CERK: variants seen among roughly 807,000 people sequenced by gnomAD.
CERK encodes ceramide kinase.
Under a neutral mutation model 63.4 loss-of-function variants are expected in CERK, and 39 were observed. The observed-to-expected ratio is 0.61, with a 90% confidence interval of 0.48 to 0.80. CERK has a LOEUF of 0.80. Ranked by LOEUF, CERK falls within the 30% of genes least tolerant of loss-of-function variation. The probability of loss-of-function intolerance (pLI) is 0.00; values close to 1 mark genes in which losing one functional copy is unlikely to be tolerated. For missense variants in CERK, 670 were observed against 714.1 expected, an observed-to-expected ratio of 0.94 and a Z score of 0.70; for synonymous variants, 302 against 280.0, an observed-to-expected ratio of 1.08 and a Z score of -0.78.
intron 1 of CERK, among the ~76,000 whole-genome samples, chr22:46,730,674 C>A (rs1015832270): frequency 6.7e-6 from 1 of 150,330 alleles, no homozygotes; most frequent in African/African-American, 2.5e-5. Context: ...TGTGCTTTTC[C>A]TACTCCTCCT....
At chr22:46,722,759 A>C (rs1181934157) in intron 1 of CERK, among the ~76,000 whole-genome samples, 1 of 152,132 alleles carries the variant, frequency 6.6e-6, no homozygotes, top group Non-Finnish European at 1.5e-5. Flanking sequence ...GGGTTTTGCC[A>C]TGTTAGCCAG....
At chr22:46,721,422 A>T (rs1285094511) in intron 1 of CERK, among the ~76,000 whole-genome samples, 2 of 150,142 alleles carry the variant, frequency 1.3e-5, no homozygotes, top group Non-Finnish European at 2.9e-5. Context: ...CCTCCCGAAC[A>T]GCTTTTTTAA....
intron 11 of CERK, among the ~76,000 whole-genome samples, chr22:46,690,917 G>A (rs2082726798): frequency 6.6e-6 from 1 of 152,134 alleles, no homozygotes; most frequent in African/African-American, 2.4e-5. Context: ...ATACCTCTTA[G>A]TTTCTGTGCT....
At chr22:46,717,800 T>A (rs2082873231) in intron 3 of CERK, among the ~76,000 whole-genome samples, 1 of 152,312 alleles carries the variant, frequency 6.6e-6, no homozygotes, top group East Asian at 1.9e-4. Flanking sequence ...GGGTCTGTGA[T>A]ATGACAAATA....
intron 6 of CERK, among the ~76,000 whole-genome samples, chr22:46,702,437 AC>A (rs1357019800): frequency 6.6e-6 from 1 of 151,948 alleles, no homozygotes; most frequent in Non-Finnish European, 1.5e-5. Context: ...GATTACAGGC[AC>A]GCGCCACCAC....
At chr22:46,727,695 G>T (rs2082925963) in intron 1 of CERK, among the ~76,000 whole-genome samples, 1 of 152,132 alleles carries the variant, frequency 6.6e-6, no homozygotes, top group Admixed American at 6.5e-5. Context: ...ACCAGCCTAA[G>T]GGTGCTGTGG....
At chr22:46,705,442 C>G (rs1332399977) in intron 6 of CERK, among the ~76,000 whole-genome samples, 1 of 152,162 alleles carries the variant, frequency 6.6e-6, no homozygotes, top group Non-Finnish European at 1.5e-5. Flanking sequence ...GAGGCCAAGG[C>G]AGGTAGATCA....
chr22:46,688,668 G>C (rs546910631), intron 12 of CERK, among the ~76,000 whole-genome samples: 1 of 152,228 alleles, frequency 6.6e-6, no homozygotes, highest in Non-Finnish European at 1.5e-5. Context: ...ACAGAGATGC[G>C]TGCATCCTCT....
intron 1 of CERK, among the ~76,000 whole-genome samples, chr22:46,730,164 TC>T (rs1164343094): frequency 2.0e-5 from 3 of 151,664 alleles, no homozygotes; most frequent in African/African-American, 7.3e-5. Flanking sequence ...ACGCCTGTAA[TC>T]CTAGCACTTT....
Position 46,691,754 on chromosome 22 carries a change from C to T in CERK, c.1150G>A (p.Val384Ile), listed in dbSNP as rs143397270. ...TTGATGGCCAGAAACTTCCCACAGA[C>T]GACTTGCCACTCCTCCACGTCCTCT... ...AAEDVEEWQV[V>I]CGKFLAINAT... Residue 384 changes from valine (V) to isoleucine (I), a missense_variant, in exon 11 of 13, where the codon GTC (valine) becomes ATC (isoleucine). Physicochemically the swap from Val to Ile is conservative, Grantham distance 29. Coordinates refer to ENST00000216264, the MANE Select transcript of CERK (RefSeq NM_022766.6). 1,467 of 1,611,820 alleles carry T rather than the reference C, an allele frequency of 9.1e-4. 1 individual carries two copies. The highest frequency in any genetic ancestry group is 1.1e-3 in the Non-Finnish European group (1,329 of 1,178,188).
At chr22:46,718,176 T>G (rs1159749513) in intron 3 of CERK, among the ~76,000 whole-genome samples, 1 of 152,144 alleles carries the variant, frequency 6.6e-6, no homozygotes, top group East Asian at 1.9e-4. Flanking sequence ...CATATACAAT[T>G]TTTAGCTACA....
At chr22:46,727,038 T>G (rs1047070481) in intron 1 of CERK, among the ~76,000 whole-genome samples, 21 of 152,268 alleles carry the variant, frequency 1.4e-4, no homozygotes, top group African/African-American at 5.1e-4. Context: ...AAACTCACCA[T>G]GCAAATCTAA....
rs2082857950 is a variant in CERK at position 46,714,564 on chromosome 22, G to A, written c.380-2271C>T. 6.6e-6 allele frequency among the ~76,000 whole-genome samples: 1 copy of A among 152,168 alleles called. No homozygotes were observed. The highest frequency in any genetic ancestry group is 1.5e-5 in the Non-Finnish European group (1 of 68,024). On this transcript the variant is annotated intron_variant, in intron 3 of 12. Coordinates refer to ENST00000216264, the MANE Select transcript of CERK (RefSeq NM_022766.6). This position sits in a 1 kb window ranked among gnomAD's most constrained non-coding sequence, Gnocchi z 4.4. ...AAAGCAAAATTTGTCAGAGATACCA[G>A]AAGAAATAGAAAATCTGAATAGTCT...
chr22:46,736,322 T>A (rs2082973069), intron 1 of CERK, among the ~76,000 whole-genome samples: 1 of 152,356 alleles, frequency 6.6e-6, no homozygotes, highest in African/African-American at 2.4e-5. Flanking sequence ...AGATGCCCTG[T>A]AAGGGTCTGG....
chr22:46,707,976 G>C lies in CERK; in HGVS notation c.582C>G (p.Val194=), dbSNP rs573452221. 1 of 1,607,988 alleles carries C rather than the reference G, an allele frequency of 6.2e-7. No homozygotes were observed. Among genetic ancestry groups the C allele is most frequent in the Non-Finnish European group, 8.5e-7 (1 of 1,176,066 alleles). ...NIDKYDGIVC[V]GGDGMFSEVL... ...CCTCGCTGAACATACCATCTCCGCC[G>C]ACACAGACGATGCTGCAGGAGGAAC... The change falls in exon 6 of 13, where the codon GTC becomes GTG. Residue 194 remains valine, a synonymous_variant. Coordinates refer to ENST00000216264, the MANE Select transcript of CERK (RefSeq NM_022766.6).
rs765492284 is a variant in CERK, at chr22:46,687,028, AAAAT to A, written c.*102_*105del. 2 of 943,424 alleles carry A rather than the reference AAAAT, an allele frequency of 2.1e-6. No homozygotes were observed. Among genetic ancestry groups the A allele is most frequent in the Non-Finnish European group, 3.2e-6 (2 of 627,106 alleles). 58.4% of individuals were successfully genotyped at this position (943,424 alleles called of 1,614,324 possible). On this transcript the variant is annotated 3_prime_UTR_variant, in exon 13 of 13. Coordinates refer to ENST00000216264, the MANE Select transcript of CERK (RefSeq NM_022766.6). ...TTCTAAAATCAAGATTTAACTATCAAAAATAAATTTCTACATTTAAATGTATATA... is the reference window on the plus strand; with the variant it reads ...TTCTAAAATCAAGATTTAACTATCAAAAATTTCTACATTTAAATGTATATA...
intron 1 of CERK, among the ~76,000 whole-genome samples, chr22:46,732,205 C>T (rs1490664511): frequency 6.6e-6 from 1 of 152,112 alleles, no homozygotes; most frequent in East Asian, 1.9e-4. Context: ...GGAGAGAGGC[C>T]GAGTAGCTGG....
At chr22:46,691,080 CACACAT>C (rs1283835276) in intron 11 of CERK, among the ~76,000 whole-genome samples, 27 of 151,818 alleles carry the variant, frequency 1.8e-4, no homozygotes, top group African/African-American at 6.5e-4. Context: ...CACACACACA[CACACAT>C]ATATTTGAGA....
chr22:46,699,525 C>T lies in CERK; in HGVS notation c.791-60G>A, dbSNP rs1226694643. On this transcript the variant is annotated intron_variant, in intron 7 of 12. Coordinates refer to ENST00000216264, the MANE Select transcript of CERK (RefSeq NM_022766.6). ...CCCCTCCAGCCCCGCCCCATCCACT[C>T]CATCCCCTTCAATAGCACTTTGCAA... The T allele has an allele frequency of 4.6e-6, 7 of 1,535,890 alleles. No homozygotes were observed. The African/African-American group carries it at 6.8e-5, about 15-fold the overall frequency.
Sources: allele counts gnomAD v4.1 joint callset (sites outside exome capture counted in the v4.1 genomes callset), GRCh38; gene constraint gnomAD v4.1.1; non-coding constraint Gnocchi (gnomAD v3.1); transcripts MANE v1.5; gene names NCBI Gene and HGNC (gene_info 2026-07-23, HGNC 2026-07-21).